NEURL1: variants seen among roughly 807,000 people sequenced by gnomAD.
NEURL1 encodes the protein neuralized E3 ubiquitin protein ligase 1.
In NEURL1, 26 loss-of-function variants were observed where a neutral mutation model predicts 41.2. The observed-to-expected ratio is 0.63, with a 90% CI of 0.46 to 0.87. The LOEUF (loss-of-function observed/expected upper bound fraction) is 0.87, where lower values mean the gene tolerates loss of function less well. NEURL1 is among the 40% of genes least tolerant of loss of function. The pLI is 0.00. For synonymous variants in NEURL1, 400 were observed against 402.3 expected, an observed-to-expected ratio of 0.99 and a Z score of 0.07; for missense variants, 761 against 871.1, an observed-to-expected ratio of 0.87 and a Z score of 1.59.
At chr10:103,523,073 C>A (rs2034389355) in intron 1 of NEURL1, among the ~76,000 whole-genome samples, 1 of 151,998 alleles carries the variant, frequency 6.6e-6, no homozygotes, top group African/African-American at 2.4e-5. Context: ...GTGTTATAAT[C>A]AAATCAGGGT....
At chr10:103,506,716 C>T (rs1241639900) in intron 1 of NEURL1, among the ~76,000 whole-genome samples, 6 of 152,246 alleles carry the variant, frequency 3.9e-5, no homozygotes, top group South Asian at 2.1e-4. Context: ...TGCACCACCA[C>T]GCCCAGCTAA....
In NEURL1 at chr10:103,558,846, A is replaced by G. The variant is rs1284570635; in HGVS notation, c.86-12026A>G. Among the ~76,000 whole-genome samples the G allele has an allele frequency of 6.6e-6, 1 of 152,068 alleles. No homozygotes were observed. The highest frequency in any genetic ancestry group is 1.5e-5 in the Non-Finnish European group (1 of 68,006). On this transcript the variant is annotated intron_variant, in intron 1 of 5. Transcript: ENST00000369780. This position sits in a 1 kb window ranked among gnomAD's most constrained non-coding sequence, Gnocchi z 4.2. Reference sequence around the variant, plus strand: ...CCTCCCTTCAATGCTCCCTCAGGGCAAGGAAGGGACCCCTTGCTGACGGCT... The same window carrying G: ...CCTCCCTTCAATGCTCCCTCAGGGCGAGGAAGGGACCCCTTGCTGACGGCT...
chr10:103,519,916 C>T (rs777139032), intron 1 of NEURL1, among the ~76,000 whole-genome samples: 5 of 151,662 alleles, frequency 3.3e-5, no homozygotes, highest in Non-Finnish European at 7.4e-5. Context: ...TCTGAGTAGC[C>T]GAGACTACAG....
At position 103,549,552 on chromosome 10, in the gene NEURL1, C is replaced by T. The variant is rs565178347; in HGVS notation, c.86-21320C>T. 3.3e-5 allele frequency among the ~76,000 whole-genome samples: 5 copies of T among 152,322 alleles called. No individual in the cohort carries two copies. In the South Asian group the frequency reaches 1.0e-3, roughly 32 times the overall value. On this transcript the variant is annotated intron_variant, in intron 1 of 5. Coordinates refer to ENST00000369780, the MANE Select transcript of NEURL1 (RefSeq NM_004210.5). ...GCTTCCTATTCTCTACTGCCAGGCCCAGCCTAATGAGTAGAGAGGATGGGG... is the reference window on the plus strand; with the variant it reads ...GCTTCCTATTCTCTACTGCCAGGCCTAGCCTAATGAGTAGAGAGGATGGGG...
intron 1 of NEURL1, among the ~76,000 whole-genome samples, chr10:103,542,041 C>T (rs912351761): frequency 6.6e-6 from 1 of 152,186 alleles, no homozygotes; most frequent in Non-Finnish European, 1.5e-5. Flanking sequence ...GGTTCCAGCA[C>T]ATTTCCCACT....
At chr10:103,567,840 T>C (rs1189096242) in intron 1 of NEURL1, among the ~76,000 whole-genome samples, 14 of 152,200 alleles carry the variant, frequency 9.2e-5, no homozygotes, top group Non-Finnish European at 2.9e-5. Flanking sequence ...TGTAAATTGG[T>C]TGATAATAAG....
intron 1 of NEURL1, among the ~76,000 whole-genome samples, chr10:103,532,920 CTTTTTTT>C (rs144783148): frequency 6.3e-5 from 4 of 63,572 alleles, no homozygotes; most frequent in African/African-American, 1.4e-4. Context: ...TTCTCTTCTC[CTTTTTTT>C]TTTTTTTTTT....
At chr10:103,561,741 G>A (rs1333589390) in intron 1 of NEURL1, among the ~76,000 whole-genome samples, 1 of 152,204 alleles carries the variant, frequency 6.6e-6, no homozygotes, top group Non-Finnish European at 1.5e-5. Context: ...ATCAGGTTGT[G>A]TATGAAGGGC....
intron 1 of NEURL1, among the ~76,000 whole-genome samples, chr10:103,505,480 C>T (rs1173675880): frequency 6.6e-6 from 1 of 152,174 alleles, no homozygotes; most frequent in Non-Finnish European, 1.5e-5. Context: ...CCACCTTGGC[C>T]TCCCAAAATG....
intron 1 of NEURL1, among the ~76,000 whole-genome samples, chr10:103,503,844 G>A (rs553672642): frequency 5.7e-5 from 8 of 141,214 alleles, no homozygotes; most frequent in Admixed American, 1.5e-4. Flanking sequence ...AGGTTGGAGT[G>A]CAGTGGCGTG....
At chr10:103,541,893 C>T (rs1296272228) in intron 1 of NEURL1, among the ~76,000 whole-genome samples, 1 of 152,204 alleles carries the variant, frequency 6.6e-6, no homozygotes, top group African/African-American at 2.4e-5. Flanking sequence ...TCTACTCTGC[C>T]ATCCTTGGGT....
chr10:103,533,427 T>C (rs1424940813), intron 1 of NEURL1, among the ~76,000 whole-genome samples: 1 of 151,854 alleles, frequency 6.6e-6, no homozygotes, highest in African/African-American at 2.4e-5. Flanking sequence ...TGGAGTGGAA[T>C]GGCGTGATCT....
intron 1 of NEURL1, among the ~76,000 whole-genome samples, chr10:103,495,265 T>C (rs1233765176): frequency 6.6e-6 from 1 of 152,190 alleles, no homozygotes; most frequent in Non-Finnish European, 1.5e-5. Context: ...CAGACCCTAC[T>C]AAATTCCTTC....
At chr10:103,564,489 C>T (rs1322910276) in intron 1 of NEURL1, among the ~76,000 whole-genome samples, 6 of 152,226 alleles carry the variant, frequency 3.9e-5, no homozygotes, top group Admixed American at 2.6e-4. Context: ...CTGGGCTGCC[C>T]AGCCCCTCCT....
chr10:103,526,673 G>A (rs1324992083), intron 1 of NEURL1, among the ~76,000 whole-genome samples: 1 of 151,986 alleles, frequency 6.6e-6, no homozygotes, highest in Admixed American at 6.6e-5. Flanking sequence ...CACCATGCCC[G>A]GGTAATTTTT....
At chr10:103,503,210 G>A (rs2033865917) in intron 1 of NEURL1, among the ~76,000 whole-genome samples, 1 of 152,224 alleles carries the variant, frequency 6.6e-6, no homozygotes, top group Non-Finnish European at 1.5e-5. Context: ...GAGGGGCTGG[G>A]GAGAGGGAGA....
intron 3 of NEURL1, 116 bp from the exon 4 acceptor site, chr10:103,584,420 G>T (rs1026947547): frequency 2.0e-5 from 11 of 549,288 alleles, no homozygotes; most frequent in Non-Finnish European, 2.8e-5. Context: ...CAAGCATCGT[G>T]TGCGCCATTA....
chr10:103,568,431 A>G (rs2035470603), intron 1 of NEURL1, among the ~76,000 whole-genome samples: 1 of 152,188 alleles, frequency 6.6e-6, no homozygotes, highest in South Asian at 2.1e-4. Context: ...AGCATTTTGA[A>G]GGGATTGGTG....
intron 1 of NEURL1, 42 bp from the exon 2 acceptor site, chr10:103,570,830 G>A: frequency 6.3e-7 from 1 of 1,587,684 alleles, no homozygotes; most frequent in Non-Finnish European, 8.6e-7. Context: ...CTGGCTCTTG[G>A]ACCCGCCAAG....
Sources: allele counts gnomAD v4.1 joint callset (sites outside exome capture counted in the v4.1 genomes callset), GRCh38; gene constraint gnomAD v4.1.1; non-coding constraint Gnocchi (gnomAD v3.1); transcripts MANE v1.5; gene names NCBI Gene and HGNC (gene_info 2026-07-23, HGNC 2026-07-21).